NAT10: variants seen among roughly 807,000 people sequenced by gnomAD.
NAT10 encodes the protein RNA cytidine acetyltransferase.
A neutral mutation model predicts 132.2 loss-of-function variants in NAT10; 109 were observed. The observed-to-expected ratio is 0.82, with a 90% CI of 0.71 to 0.97. The LOEUF is 0.97. NAT10 is among the 50% of genes least tolerant of loss of function. The probability of loss-of-function intolerance (pLI) is 0.00; values close to 1 mark genes in which losing one functional copy is unlikely to be tolerated. For missense variants in NAT10, 1,184 were observed against 1,263.4 expected (o/e 0.94, Z 0.95); for synonymous variants, 479 against 478.0 (o/e 1.00, Z -0.03).
intron 14 of NAT10, 22 bp from the exon 15 acceptor site, chr11:34,132,103 G>T (rs200239493): frequency 6.4e-7 from 1 of 1,566,868 alleles, no homozygotes; most frequent in Non-Finnish European, 8.8e-7. Context: ...GTTTTGTTTT[G>T]GTTTCTTAAC....
intron 28 of NAT10, among the ~76,000 whole-genome samples, chr11:34,144,564 A>G (rs1301126665): frequency 1.3e-5 from 2 of 152,378 alleles, no homozygotes; most frequent in Admixed American, 6.5e-5. Context: ...AAAAAGGCAA[A>G]TAACTGTTTT....
At chr11:34,141,285 C>G in intron 25 of NAT10, 77 bp downstream of exon 25, 2 of 1,587,790 alleles carry the variant, frequency 1.3e-6, no homozygotes, top group Non-Finnish European at 1.7e-6. Flanking sequence ...CCGAGATGAA[C>G]ACATGTTAGC....
chr11:34,141,735 A>G lies in NAT10; in HGVS notation c.2729A>G (p.Gln910Arg), dbSNP rs943130073. The G allele has an allele frequency of 2.5e-6, 4 of 1,613,988 alleles. No homozygotes were observed. Among genetic ancestry groups the G allele is most frequent in the Admixed American group, 1.7e-5 (1 of 59,996 alleles). ...CTTTTGTAGCTATTTAATGAAGTTC[A>G]GGAAAAGGCCATTGAGGAGCAGATG... ...RKVVKLFNEV[Q>R]EKAIEEQMVA... is the part of the protein sequence containing the mutation. The change falls in exon 26 of 29, where the codon CAG becomes CGG. Residue 910 changes from glutamine to arginine, a missense_variant. Transcript: ENST00000257829.
rs1016746503 is a variant in NAT10 at position 34,108,170 on chromosome 11, A to G, written c.-15-41A>G. ...GGCAGCCAGCTAATGTTCCTTAGAC[A>G]ATCTAGTGCGCATGGCCAGTTGTAT... On this transcript the variant is annotated intron_variant, in intron 1 of 28. Coordinates refer to ENST00000257829, the MANE Select transcript of NAT10 (RefSeq NM_024662.3). The G allele has an allele frequency of 1.7e-5, 23 of 1,375,794 alleles. No individual in the cohort carries two copies. The Admixed American group carries it at 2.7e-4, about 16-fold the overall frequency. The allele number at this position is 1,375,794 out of a possible 1,614,324, so 85.2% of individuals were successfully genotyped here. A position where few individuals can be genotyped will look rare whatever the true frequency, so the allele number is the denominator to read the frequency against.
intron 8 of NAT10, among the ~76,000 whole-genome samples, 169 bp downstream of exon 8, chr11:34,118,672 T>C (rs1851829904): frequency 6.6e-6 from 1 of 152,196 alleles, no homozygotes; most frequent in Non-Finnish European, 1.5e-5. Flanking sequence ...TATTTCATGT[T>C]GTGTGGGTTC....
chr11:34,120,684 G>A (rs1048087742), intron 8 of NAT10, among the ~76,000 whole-genome samples: 3 of 152,344 alleles, frequency 2.0e-5, no homozygotes, highest in Middle Eastern at 3.4e-3. Flanking sequence ...GGATGCACCT[G>A]CTTCATGGAG....
intron 18 of NAT10, 91 bp downstream of exon 18, chr11:34,134,677 C>G (rs189281433): frequency 2.7e-6 from 3 of 1,117,918 alleles, no homozygotes; most frequent in East Asian, 3.7e-5. Flanking sequence ...GCTGGTCAAG[C>G]AGAAGCAAGT....
chr11:34,134,999 C>T (rs530637915), intron 18 of NAT10, among the ~76,000 whole-genome samples, 176 bp from the exon 19 acceptor site: 3 of 152,328 alleles, frequency 2.0e-5, no homozygotes, highest in African/African-American at 7.2e-5. Context: ...GGTCACACTA[C>T]TTTCAGTCTT....
intron 16 of NAT10, 146 bp from the exon 17 acceptor site, chr11:34,134,173 G>A: frequency 1.5e-6 from 1 of 680,024 alleles, no homozygotes; most frequent in Non-Finnish European, 2.6e-6. Context: ...CAAAAGAGCG[G>A]GGGGAATGGA....
At chr11:34,117,594 T>C (rs193134494) in intron 6 of NAT10, among the ~76,000 whole-genome samples, 8 of 152,316 alleles carry the variant, frequency 5.3e-5, no homozygotes, top group Admixed American at 5.2e-4. Context: ...GGAGCAGCTG[T>C]GTGCTACTGA....
Position 34,138,357 on chromosome 11 carries a change from A to G in NAT10, c.2212-834A>G, listed in dbSNP as rs370382725. ...CTGTCTTCCCAGATGAGGGGAGTCCATCGGCTGAGAGGGAAGTGTTGGAGG... is the reference window on the plus strand; with the variant it reads ...CTGTCTTCCCAGATGAGGGGAGTCCGTCGGCTGAGAGGGAAGTGTTGGAGG... On this transcript the variant is annotated intron_variant, in intron 21 of 28. Transcript: ENST00000257829. Among the ~76,000 whole-genome samples, 11 of 152,280 alleles carry G rather than the reference A, an allele frequency of 7.2e-5. No homozygotes were observed. In the East Asian group the frequency reaches 1.5e-3, roughly 21 times the overall value.
rs773546937 is a variant in NAT10 at position 34,140,390 on chromosome 11, C to G, written c.2420-10C>G. On this transcript the variant is annotated splice_polypyrimidine_tract_variant and intron_variant, in intron 23 of 28. Coordinates refer to ENST00000257829, the MANE Select transcript of NAT10 (RefSeq NM_024662.3). ...GACCTAACCTGTCTAGCTCTCTATCCCATGGACAGCCCTGAGCCGGGAGGA... is the reference window on the plus strand; with the variant it reads ...GACCTAACCTGTCTAGCTCTCTATCGCATGGACAGCCCTGAGCCGGGAGGA... The G allele has an allele frequency of 6.2e-7, 1 of 1,610,850 alleles. No homozygotes were observed. Among genetic ancestry groups the G allele is most frequent in the Non-Finnish European group, 8.5e-7 (1 of 1,177,344 alleles).
In NAT10 at chr11:34,139,049, G is replaced by C. The variant is rs1156966931; in HGVS notation, c.2212-142G>C. On this transcript the variant is annotated intron_variant, in intron 21 of 28. Transcript: ENST00000257829. ...GGTGAAGGCGAGGGCTGTTTGAGAA[G>C]GGCGCCTACCCCCAGCCTGGAAAGA... is the stretch of plus-strand genomic sequence containing the variant. 4.4e-6 allele frequency: 3 copies of C among 679,714 alleles called. No individual in the cohort carries two copies. In the East Asian group the frequency reaches 8.0e-5, roughly 18 times the overall value. The allele number at this position is 679,714 out of a possible 1,614,324, so 42.1% of individuals were successfully genotyped here. A position where few individuals can be genotyped will look rare whatever the true frequency, so the allele number is the denominator to read the frequency against.
In NAT10 at chr11:34,139,483, C is replaced by A; in HGVS notation, c.2407C>A (p.Pro803Thr). The change falls in exon 23 of 29, where the codon CCA (proline) becomes ACA (threonine). Residue 803 changes from proline to threonine, a missense_variant. By Grantham distance (38) the Pro-to-Thr change is conservative. Coordinates refer to ENST00000257829, the MANE Select transcript of NAT10 (RefSeq NM_024662.3). ...NIIQNRNMGK[P>T]AQPALSREEL... Reference sequence around the variant, plus strand: ...CATTCAGAACAGGAACATGGGGAAGCCAGCCCAGCCTGGTGAGCCGGGTGG... The same window carrying A: ...CATTCAGAACAGGAACATGGGGAAGACAGCCCAGCCTGGTGAGCCGGGTGG... 1 of 1,613,938 alleles carries A rather than the reference C, an allele frequency of 6.2e-7. No homozygotes were observed.
rs556899427 is a variant in NAT10, at chr11:34,123,693, TC to T, written c.915-68del. On this transcript the variant is annotated intron_variant, in intron 9 of 28. Transcript: ENST00000257829. ...GGGACAGGAGCAAACAAAAATATTT[TC>T]TTTTTTAAATTGTTTCTTTAAGATG... is the stretch of plus-strand genomic sequence containing the variant. 410 of 1,260,670 alleles carry T rather than the reference TC, an allele frequency of 3.3e-4. 7 individuals carry two copies. The South Asian group carries it at 4.7e-3, about 15-fold the overall frequency. The allele number at this position is 1,260,670 out of a possible 1,614,324, so 78.1% of individuals were successfully genotyped here. A position where few individuals can be genotyped will look rare whatever the true frequency, so the allele number is the denominator to read the frequency against.
intron 27 of NAT10, among the ~76,000 whole-genome samples, chr11:34,142,623 G>A (rs1234673886): frequency 1.3e-5 from 2 of 152,142 alleles, no homozygotes; most frequent in East Asian, 3.9e-4. Context: ...TCCAGGAGTG[G>A]GGGTGCCGAT....
At chr11:34,116,786 GGTTTCACCAT>G (rs1284650478) in intron 6 of NAT10, among the ~76,000 whole-genome samples, 1 of 152,138 alleles carries the variant, frequency 6.6e-6, no homozygotes, top group African/African-American at 2.4e-5. Flanking sequence ...GTAGAGACAA[GGTTTCACCAT>G]GTTGGCCAGG....
intron 19 of NAT10, 27 bp from the exon 20 acceptor site, chr11:34,136,615 T>C: frequency 1.2e-6 from 2 of 1,614,104 alleles, no homozygotes; most frequent in South Asian, 2.2e-5. Context: ...CTGAATGGAC[T>C]GTGTTCTCTC....
At chr11:34,128,885 C>T (rs546921845) in intron 12 of NAT10, among the ~76,000 whole-genome samples, 1 of 152,266 alleles carries the variant, frequency 6.6e-6, no homozygotes, top group African/African-American at 2.4e-5. Flanking sequence ...ACTTTCTGTA[C>T]CCATAGATTT....
Sources: allele counts gnomAD v4.1 joint callset (sites outside exome capture counted in the v4.1 genomes callset), GRCh38; gene constraint gnomAD v4.1.1; transcripts MANE v1.5; gene names NCBI Gene and HGNC (gene_info 2026-07-23, HGNC 2026-07-21).